Variants in ETHE1 observed in about 807,000 individuals in gnomAD.
ETHE1 encodes the protein ETHE1 persulfide dioxygenase.
A neutral mutation model predicts 25.7 loss-of-function variants in ETHE1; 16 were observed. That is an observed-to-expected ratio of 0.62 (90% CI 0.42 to 0.95). The LOEUF (loss-of-function observed/expected upper bound fraction) is 0.95, where lower values mean the gene tolerates loss of function less well. Among genes scored for constraint, ETHE1 ranks in the 40% least tolerant of loss-of-function variants. ETHE1 has a pLI of 0.00. For synonymous variants in ETHE1, 139 were observed against 135.9 expected, an observed-to-expected ratio of 1.02 and a Z score of -0.16; for missense variants, 300 against 333.6, an observed-to-expected ratio of 0.90 and a Z score of 0.79.
rs939026601 is a variant in ETHE1, at chr19:43,507,915, C to T, written c.712+29G>A. On this transcript the variant is annotated intron_variant, in intron 6 of 6. Transcript: ENST00000292147. ...AGACCCCAGCCCCTCCTCTCTCAGA[C>T]CCAGAAGTCCAGGTCCCCAGCTGCT... 1.9e-6 allele frequency: 3 copies of T among 1,609,880 alleles called. No individual in the cohort carries two copies. The African/African-American group carries it at 4.0e-5, about 22-fold the overall frequency.
chr19:43,509,713 G>A (rs1225397141), intron 4 of ETHE1, among the ~76,000 whole-genome samples: 1 of 149,366 alleles, frequency 6.7e-6, no homozygotes, highest in Non-Finnish European at 1.5e-5. Flanking sequence ...GGAGAATGGC[G>A]TGAACCCAGG....
At chr19:43,517,058 A>C (rs1403530665) in intron 3 of ETHE1, among the ~76,000 whole-genome samples, 2 of 151,880 alleles carry the variant, frequency 1.3e-5, no homozygotes, top group African/African-American at 4.8e-5. Flanking sequence ...TCCTGGCCTC[A>C]AGCAATCCTC....
chr19:43,526,673 A>G lies in ETHE1; in HGVS notation c.82-14T>C. 1 of 1,612,776 alleles carries G rather than the reference A, an allele frequency of 6.2e-7. No individual in the cohort carries two copies. Among genetic ancestry groups the G allele is most frequent in the Non-Finnish European group, 8.5e-7 (1 of 1,179,980 alleles). On this transcript the variant is annotated splice_polypyrimidine_tract_variant and intron_variant, in intron 1 of 6. Coordinates refer to ENST00000292147, the MANE Select transcript of ETHE1 (RefSeq NM_014297.5). Reference sequence around the variant, plus strand: ...AGGCTCGAACATCTGGGAACGGGGGACCCAGGTGAGGGCGCAGAACCGGAC... The same window carrying G: ...AGGCTCGAACATCTGGGAACGGGGGGCCCAGGTGAGGGCGCAGAACCGGAC...
rs1345467311 is a variant in ETHE1, at chr19:43,526,265, C to A, written c.311G>T (p.Arg104Leu). The change falls in exon 3 of 7, where the codon CGC (arginine) becomes CTC (leucine). Residue 104 changes from arginine to leucine, a missense_variant. Arg to Leu is a moderately radical substitution (Grantham distance 102). Coordinates refer to ENST00000292147, the MANE Select transcript of ETHE1 (RefSeq NM_014297.5). ...TAAGTCAGCCTGGGCCCCACTAAGG[C>A]GGGAGATGACAGACTGGCAGCCAGG... The part of the protein sequence containing the change: ...LLPGCQSVIS[R>L]LSGAQADLHI... The A allele has an allele frequency of 1.9e-6, 3 of 1,614,136 alleles. No individual in the cohort carries two copies. Among genetic ancestry groups the A allele is most frequent in the Admixed American group, 1.7e-5 (1 of 60,008 alleles).
Position 43,526,188 on chromosome 19 carries a change from G to C in ETHE1, c.375+13C>G, listed in dbSNP as rs1661919803. 6.2e-7 allele frequency: 1 copy of C among 1,613,960 alleles called. No individual in the cohort carries two copies. The highest frequency in any genetic ancestry group is 1.3e-5 in the African/African-American group (1 of 74,896). ...AGGCCACCACCCTCTTGGGGACCCA[G>C]CACCCAACTCACGAAGCGCCCGAAG... On this transcript the variant is annotated intron_variant, in intron 3 of 6. Transcript: ENST00000292147.
intron 3 of ETHE1, 52 bp downstream of exon 3, chr19:43,526,149 A>G: frequency 6.2e-7 from 1 of 1,613,588 alleles, no homozygotes; most frequent in Non-Finnish European, 8.5e-7. Context: ...TCTTCCCTTA[A>G]GTTTAAGAAG....
At chr19:43,516,695 G>A (rs1402839094) in intron 3 of ETHE1, among the ~76,000 whole-genome samples, 2 of 138,332 alleles carry the variant, frequency 1.4e-5, no homozygotes, top group African/African-American at 2.7e-5. Context: ...GCATGATCTC[G>A]GCTCACTGCA....
intron 1 of ETHE1, 35 bp downstream of exon 1, chr19:43,527,061 GC>G: frequency 6.5e-7 from 1 of 1,545,744 alleles, no homozygotes. Context: ...GCCGCCTAGT[GC>G]CCAGCAGTCC....
At chr19:43,511,182 C>A (rs1599989924) in intron 4 of ETHE1, among the ~76,000 whole-genome samples, 1 of 151,996 alleles carries the variant, frequency 6.6e-6, no homozygotes, top group East Asian at 1.9e-4. Context: ...TAATAAAGTG[C>A]ACAATAAATG....
At chr19:43,525,134 A>AAAAG (rs1238788313) in intron 3 of ETHE1, among the ~76,000 whole-genome samples, 18 of 150,462 alleles carry the variant, frequency 1.2e-4, no homozygotes, top group African/African-American at 1.7e-4. Flanking sequence ...ATAAAAAAAA[A>AAAAG]AAAGAAAGAA....
chr19:43,525,976 CTTAGGAGT>C, intron 3 of ETHE1: 1 of 617,566 alleles, frequency 1.6e-6, no homozygotes, highest in South Asian at 1.9e-5. Flanking sequence ...ATGCTGTTGA[CTTAGGAGT>C]TCCGCCAGTG....
chr19:43,524,663 G>A (rs994484858), intron 3 of ETHE1, among the ~76,000 whole-genome samples: 2 of 152,056 alleles, frequency 1.3e-5, no homozygotes, highest in Non-Finnish European at 2.9e-5. Context: ...AATTAGCCAG[G>A]TATGGTGGCA....
At position 43,518,999 on chromosome 19, in the gene ETHE1, G is replaced by GTTTTTTTTTTTTTTTTTTTTTTT. The variant is rs71169253; in HGVS notation, c.375+7179_375+7201dup. ...CTGATGGCTGATGAAATTTGTGCTT[G>GTTTTTTTTTTTTTTTTTTTTTTT]TTTTTTTTTTTTTTTTTTTTTTTTT... On this transcript the variant is annotated intron_variant, in intron 3 of 6. Transcript: ENST00000292147. Among the ~76,000 whole-genome samples, 7 of 91,012 alleles carry GTTTTTTTTTTTTTTTTTTTTTTT rather than the reference G, an allele frequency of 7.7e-5. 2 individuals are homozygous for GTTTTTTTTTTTTTTTTTTTTTTT. Among genetic ancestry groups the GTTTTTTTTTTTTTTTTTTTTTTT allele is most frequent in the East Asian group, 4.0e-4 (1 of 2,482 alleles). 59.7% of individuals were successfully genotyped at this position (91,012 alleles called of 152,430 possible). A position where few individuals can be genotyped will look rare whatever the true frequency, so the allele number is the denominator to read the frequency against.
intron 6 of ETHE1, among the ~76,000 whole-genome samples, chr19:43,507,305 GTCCAGGCCCCCAGCCCCTCCTCCCTCAGA>G (rs1971797515): frequency 7.2e-6 from 1 of 138,592 alleles, no homozygotes; most frequent in African/African-American, 2.7e-5. Context: ...AGACCCAGGA[GTCCAGGCCCCCAGCCCCTCCTCCCTCAGA>G]CCCAGGAGCC....
Position 43,512,805 on chromosome 19 carries a change from C to T in ETHE1, c.376-1239G>A, listed in dbSNP as rs541733250. On this transcript the variant is annotated intron_variant, in intron 3 of 6. Coordinates refer to ENST00000292147, the MANE Select transcript of ETHE1 (RefSeq NM_014297.5). ...CTGCTGCAGAAATTTGTATAAGTAACGAGGAGCCAAATGTTAATCACCAAG... is the reference window on the plus strand; with the variant it reads ...CTGCTGCAGAAATTTGTATAAGTAATGAGGAGCCAAATGTTAATCACCAAG... Among the ~76,000 whole-genome samples, 26 of 152,242 alleles carry T rather than the reference C, an allele frequency of 1.7e-4. No homozygotes were observed. The South Asian group carries it at 2.7e-3, about 16-fold the overall frequency.
chr19:43,509,630 C>T (rs1971868816), intron 4 of ETHE1, among the ~76,000 whole-genome samples: 1 of 151,694 alleles, frequency 6.6e-6, no homozygotes. Flanking sequence ...CCTGTCTCTA[C>T]TAAAAATACA....
At chr19:43,523,995 G>C (rs1233952534) in intron 3 of ETHE1, among the ~76,000 whole-genome samples, 1 of 152,038 alleles carries the variant, frequency 6.6e-6, no homozygotes, top group African/African-American at 2.4e-5. Flanking sequence ...CAACACTTTG[G>C]GAGGCCAGGG....
At chr19:43,526,025 G>T in intron 3 of ETHE1, 176 bp downstream of exon 3, 1 of 861,546 alleles carries the variant, frequency 1.2e-6, no homozygotes, top group Non-Finnish European at 1.8e-6. Context: ...TTGCCCCAGT[G>T]CCCCACCTGG....
chr19:43,508,654 A>AT, intron 5 of ETHE1, 121 bp downstream of exon 5: 19 of 880,748 alleles, frequency 2.2e-5, no homozygotes, highest in Non-Finnish European at 3.5e-5. Flanking sequence ...CAAACACTTA[A>AT]TTTTTTTTGG....
Sources: gnomAD v4.1 joint callset for allele counts (sites outside exome capture counted in the v4.1 genomes callset) on GRCh38, gnomAD v4.1.1 for gene constraint, MANE v1.5 for transcripts, NCBI Gene and HGNC (gene_info 2026-07-23, HGNC 2026-07-21) for gene names.